The following ZDHHC2 variants were observed in gnomAD, a reference collection of about 807,000 sequenced individuals.
The protein encoded by ZDHHC2 is zDHHC palmitoyltransferase 2, also known as palmitoyltransferase ZDHHC2.
In ZDHHC2, 51 loss-of-function variants were observed where a neutral mutation model predicts 55.6. The ratio of observed to expected loss-of-function variants is 0.92; its 90% CI spans 0.73 to 1.16. ZDHHC2 has a LOEUF of 1.16. Ranked by LOEUF, ZDHHC2 falls within the 50% of genes most tolerant of loss-of-function variation. ZDHHC2 has a pLI of 0.00. For synonymous variants in ZDHHC2, 199 were observed against 152.9 expected (o/e 1.30, Z -2.22); for missense variants, 491 against 442.4 (o/e 1.11, Z -0.99).
chr8:17,160,340 C>G (rs1563429141), intron 1 of ZDHHC2, among the ~76,000 whole-genome samples: 1 of 152,148 alleles, frequency 6.6e-6, no homozygotes, highest in Admixed American at 6.5e-5. Context: ...TGCTATGGGA[C>G]GTTTATGATG....
chr8:17,186,259 A>T (rs1805702832), intron 2 of ZDHHC2, 72 bp from the exon 3 acceptor site: 1 of 969,092 alleles, frequency 1.0e-6, no homozygotes, highest in Admixed American at 2.7e-5. Context: ...AAACAAGCAG[A>T]TCGGTTGTGA....
intron 1 of ZDHHC2, among the ~76,000 whole-genome samples, chr8:17,165,092 A>G (rs1804538275): frequency 6.6e-6 from 1 of 152,196 alleles, no homozygotes; most frequent in Non-Finnish European, 1.5e-5. Flanking sequence ...TTGGTAGGAA[A>G]GACAGTCCAC....
At chr8:17,207,826 A>G (rs770853079) in intron 7 of ZDHHC2, 134 bp from the exon 8 acceptor site, 2 of 689,846 alleles carry the variant, frequency 2.9e-6, no homozygotes, top group East Asian at 3.5e-5. Flanking sequence ...AAGTTTTAAC[A>G]TAAAGCCACA....
At chr8:17,179,357 G>A (rs947605238) in intron 1 of ZDHHC2, among the ~76,000 whole-genome samples, 2 of 152,200 alleles carry the variant, frequency 1.3e-5, no homozygotes, top group African/African-American at 2.4e-5. Context: ...TTGTAGCATC[G>A]ATGATGGTTC....
At chr8:17,157,126 C>T (rs1804099485) in intron 1 of ZDHHC2, among the ~76,000 whole-genome samples, 1 of 152,122 alleles carries the variant, frequency 6.6e-6, no homozygotes, top group South Asian at 2.1e-4. Flanking sequence ...TCACCGCCGC[C>T]GCCTCGGCCA....
Position 17,209,168 on chromosome 8 carries a change from A to T in ZDHHC2, c.731-764A>T, listed in dbSNP as rs573126519. 2.6e-5 allele frequency among the ~76,000 whole-genome samples: 4 copies of T among 152,288 alleles called. No individual in the cohort carries two copies. The South Asian group carries it at 8.3e-4, about 32-fold the overall frequency. Reference sequence around the variant, plus strand: ...TGTCGTGTGTTTGTTGTGTGACCTTAGGCAAGTCCCAGAGCCTCTCTGAAC... The same window carrying T: ...TGTCGTGTGTTTGTTGTGTGACCTTTGGCAAGTCCCAGAGCCTCTCTGAAC... On this transcript the variant is annotated intron_variant, in intron 8 of 12. Coordinates refer to ENST00000262096, the MANE Select transcript of ZDHHC2 (RefSeq NM_016353.5).
rs1365706198 is a variant in ZDHHC2, at chr8:17,205,716, C to G, written c.538C>G (p.Leu180Val). 5 of 1,610,642 alleles carry G rather than the reference C, an allele frequency of 3.1e-6. No individual in the cohort carries two copies. Among genetic ancestry groups the G allele is most frequent in the Non-Finnish European group, 4.2e-6 (5 of 1,178,912 alleles). ...CTTTCTCCTTTTCTTGGCTTATTCT[C>G]TGCTCTACTGCCTTTTTATTGCGGC... The part of the protein sequence containing the change: ...KFFLLFLAYS[L>V]LYCLFIAATD... The change falls in exon 7 of 13, where the codon CTG becomes GTG. Residue 180 changes from leucine (L) to valine (V), a missense_variant. By Grantham distance (32) the Leu-to-Val change is conservative. Coordinates refer to ENST00000262096, the MANE Select transcript of ZDHHC2 (RefSeq NM_016353.5).
intron 1 of ZDHHC2, 23 bp downstream of exon 1, chr8:17,156,876 C>G (rs1804079052): frequency 3.4e-6 from 5 of 1,481,656 alleles, no homozygotes; most frequent in East Asian, 6.0e-5. Context: ...CCCGCCGCGG[C>G]GCCCCCAGCG....
Position 17,186,438 on chromosome 8 carries a change from A to G in ZDHHC2, c.252+13A>G, listed in dbSNP as rs778997620. On this transcript the variant is annotated intron_variant, in intron 3 of 12. Coordinates refer to ENST00000262096, the MANE Select transcript of ZDHHC2 (RefSeq NM_016353.5). ...TCCTTCAAAAGAAGTAAGTTAAAAT[A>G]TTAACGAAATTATTCTAATAATAGA... The G allele has an allele frequency of 3.6e-6, 5 of 1,403,556 alleles. No individual in the cohort carries two copies. The highest frequency in any genetic ancestry group is 4.8e-6 in the Non-Finnish European group (5 of 1,043,040). The allele number at this position is 1,403,556 out of a possible 1,614,324, so 86.9% of individuals were successfully genotyped here.
In ZDHHC2 at chr8:17,156,638, A is replaced by G; in HGVS notation, c.-86A>G. 9.4e-7 allele frequency: 1 copy of G among 1,065,902 alleles called. No homozygotes were observed. The highest frequency in any genetic ancestry group is 1.1e-6 in the Non-Finnish European group (1 of 876,442). 66.0% of individuals were successfully genotyped at this position (1,065,902 alleles called of 1,614,324 possible). A position where few individuals can be genotyped will look rare whatever the true frequency, so the allele number is the denominator to read the frequency against. On this transcript the variant is annotated 5_prime_UTR_variant, in exon 1 of 13. Coordinates refer to ENST00000262096, the MANE Select transcript of ZDHHC2 (RefSeq NM_016353.5). ...CCCGCCGCCGCCCAGGAGCCCGTCC[A>G]GCCAGGGGTGCCGGGCCCGCCCAGC...
intron 1 of ZDHHC2, among the ~76,000 whole-genome samples, chr8:17,165,066 G>A (rs1804536770): frequency 6.6e-6 from 1 of 152,208 alleles, no homozygotes. Flanking sequence ...AATGTACATA[G>A]CACGTTGGAA....
chr8:17,158,981 G>T (rs966679319), intron 1 of ZDHHC2, among the ~76,000 whole-genome samples: 5 of 152,234 alleles, frequency 3.3e-5, no homozygotes, highest in African/African-American at 1.2e-4. Flanking sequence ...TGTTATGAAA[G>T]ATCTAGATTC....
chr8:17,210,161 T>C, intron 9 of ZDHHC2, 103 bp downstream of exon 9: 3 of 1,320,644 alleles, frequency 2.3e-6, no homozygotes, highest in Non-Finnish European at 3.1e-6. Flanking sequence ...TAATTCTGTG[T>C]AGGAACTCTT....
chr8:17,185,450 A>C (rs1055191121), intron 2 of ZDHHC2, among the ~76,000 whole-genome samples: 1 of 152,050 alleles, frequency 6.6e-6, no homozygotes, highest in African/African-American at 2.4e-5. Context: ...TGAGGTCAGA[A>C]GTTCAAGACC....
chr8:17,173,664 G>T (rs575929221), intron 1 of ZDHHC2, among the ~76,000 whole-genome samples: 16 of 143,840 alleles, frequency 1.1e-4, no homozygotes, highest in African/African-American at 1.5e-4. Flanking sequence ...CTTGAGAGAC[G>T]GAAAAAGACC....
chr8:17,215,238 C>A lies in ZDHHC2; in HGVS notation c.952C>A (p.Leu318Ile). Residue 318 changes from leucine (L) to isoleucine (I), a missense_variant and splice_region_variant, in exon 11 of 13, where the codon CTC becomes ATC. Coordinates refer to ENST00000262096, the MANE Select transcript of ZDHHC2 (RefSeq NM_016353.5). ...GATGATTATTCAATTATTATTCAGT[C>A]TCGAAAACCATCAGTTTCCTGCAAA... ...PAGLNSTAKN[L>I]ENHQFPAKPL... is the part of the protein sequence containing the mutation. 1.3e-6 allele frequency: 2 copies of A among 1,582,018 alleles called. No homozygotes were observed. The highest frequency in any genetic ancestry group is 1.2e-5 in the South Asian group (1 of 85,076).
At chr8:17,161,227 C>T (rs1287007287) in intron 1 of ZDHHC2, among the ~76,000 whole-genome samples, 1 of 152,162 alleles carries the variant, frequency 6.6e-6, no homozygotes, top group Non-Finnish European at 1.5e-5. Flanking sequence ...TGTTTTCCAC[C>T]ATGAAATGAA....
intron 3 of ZDHHC2, among the ~76,000 whole-genome samples, chr8:17,192,958 G>C (rs1242675162): frequency 6.6e-6 from 1 of 152,108 alleles, no homozygotes; most frequent in Admixed American, 6.5e-5. Context: ...TGGGCTCTCT[G>C]TTCTTTTCCA....
intron 8 of ZDHHC2, among the ~76,000 whole-genome samples, chr8:17,208,845 C>G (rs985725015): frequency 9.2e-5 from 14 of 151,972 alleles, no homozygotes; most frequent in African/African-American, 3.4e-4. Context: ...CTTCTGGAAA[C>G]CTCTAGATTT....
Sources: allele counts gnomAD v4.1 joint callset (sites outside exome capture counted in the v4.1 genomes callset), GRCh38; gene constraint gnomAD v4.1.1; transcripts MANE v1.5; gene names NCBI Gene and HGNC (gene_info 2026-07-23, HGNC 2026-07-21).